KCTD16: variants seen among roughly 807,000 people sequenced by gnomAD.
The protein encoded by KCTD16 is BTB/POZ domain-containing protein KCTD16.
Under a neutral mutation model 33.2 loss-of-function variants are expected in KCTD16, and 13 were observed. The observed-to-expected ratio is 0.39, with a 90% confidence interval of 0.25 to 0.62. The LOEUF is 0.62. Ranked by LOEUF, KCTD16 falls within the 20% of genes least tolerant of loss-of-function variation. KCTD16 has a pLI of 0.50. For missense variants in KCTD16, 441 were observed against 525.1 expected (o/e 0.84, Z 1.57); for synonymous variants, 197 against 195.3 (o/e 1.01, Z -0.07).
intron 3 of KCTD16, among the ~76,000 whole-genome samples, chr5:144,399,558 T>TA (rs1752656268): frequency 6.6e-6 from 1 of 152,166 alleles, no homozygotes; most frequent in African/African-American, 2.4e-5. Flanking sequence ...AATGAAAATA[T>TA]ACCCTTTCCT....
At chr5:144,457,607 A>G (rs1364656884) in intron 3 of KCTD16, among the ~76,000 whole-genome samples, 1 of 152,192 alleles carries the variant, frequency 6.6e-6, no homozygotes, top group East Asian at 1.9e-4. Flanking sequence ...TCTGATCAAG[A>G]GCCTCTTCTC....
intron 3 of KCTD16, among the ~76,000 whole-genome samples, chr5:144,446,080 T>C (rs1753811981): frequency 6.6e-6 from 1 of 151,942 alleles, no homozygotes; most frequent in African/African-American, 2.4e-5. Flanking sequence ...TTGTAGATGA[T>C]TTGTTCCCTT....
chr5:144,377,319 G>A (rs1752116196), intron 3 of KCTD16, among the ~76,000 whole-genome samples: 3 of 152,180 alleles, frequency 2.0e-5, no homozygotes, highest in Non-Finnish European at 2.9e-5. Flanking sequence ...AAGGAATGGA[G>A]TGGACAGTGG....
chr5:144,430,415 G>C (rs1402957677), intron 3 of KCTD16, among the ~76,000 whole-genome samples: 1 of 152,086 alleles, frequency 6.6e-6, no homozygotes, highest in Non-Finnish European at 1.5e-5. Flanking sequence ...GTTTGCCTGT[G>C]GCAGATGCAT....
chr5:144,469,208 T>G (rs981607315), intron 3 of KCTD16, among the ~76,000 whole-genome samples: 3 of 152,206 alleles, frequency 2.0e-5, no homozygotes, highest in African/African-American at 7.2e-5. Context: ...GCTTATCCAT[T>G]TGTGAAATTT....
chr5:144,390,456 G>GT (rs1752422996), intron 3 of KCTD16, among the ~76,000 whole-genome samples: 1 of 152,108 alleles, frequency 6.6e-6, no homozygotes, highest in African/African-American at 2.4e-5. Flanking sequence ...TCTTTTTACA[G>GT]TTGCTGAAAT....
chr5:144,314,789 A>C (rs555493455), intron 3 of KCTD16, among the ~76,000 whole-genome samples: 1 of 152,234 alleles, frequency 6.6e-6, no homozygotes, highest in African/African-American at 2.4e-5. Flanking sequence ...CGCATACACG[A>C]AATGGAAAAC....
At chr5:144,365,479 T>C (rs1751812971) in intron 3 of KCTD16, among the ~76,000 whole-genome samples, 1 of 152,212 alleles carries the variant, frequency 6.6e-6, no homozygotes, top group African/African-American at 2.4e-5. Flanking sequence ...CACATGTTGC[T>C]TGAACATTTT....
At chr5:144,211,641 G>GA (rs1239657235) in intron 3 of KCTD16, among the ~76,000 whole-genome samples, 1 of 152,104 alleles carries the variant, frequency 6.6e-6, no homozygotes, top group African/African-American at 2.4e-5. Context: ...CATAAAATCT[G>GA]AAAAAATCCA....
chr5:144,332,245 A>G (rs1385692416), intron 3 of KCTD16, among the ~76,000 whole-genome samples: 1 of 152,174 alleles, frequency 6.6e-6, no homozygotes, highest in Non-Finnish European at 1.5e-5. Context: ...GACTTGATAA[A>G]GAAGAGAAAG....
At chr5:144,278,965 T>C (rs561081501) in intron 3 of KCTD16, among the ~76,000 whole-genome samples, 23 of 152,368 alleles carry the variant, frequency 1.5e-4, no homozygotes, top group African/African-American at 5.5e-4. Flanking sequence ...ATCCCTCTAC[T>C]TAAGTTCTTC....
intron 3 of KCTD16, among the ~76,000 whole-genome samples, chr5:144,223,121 C>T (rs1254482503): frequency 6.6e-6 from 1 of 152,076 alleles, no homozygotes; most frequent in Non-Finnish European, 1.5e-5. Flanking sequence ...GGAAGGGGAA[C>T]ATCACACACC....
At chr5:144,343,536 G>T (rs541827665) in intron 3 of KCTD16, among the ~76,000 whole-genome samples, 3 of 151,952 alleles carry the variant, frequency 2.0e-5, no homozygotes, top group East Asian at 3.9e-4. Context: ...ACCAGCTCCT[G>T]GATTCATTAA....
At chr5:144,266,136 A>G (rs559862471) in intron 3 of KCTD16, among the ~76,000 whole-genome samples, 1 of 152,342 alleles carries the variant, frequency 6.6e-6, no homozygotes, top group East Asian at 1.9e-4. Context: ...TGACAACATT[A>G]ATAATACTTT....
At chr5:144,387,029 G>A (rs1164454782) in intron 3 of KCTD16, among the ~76,000 whole-genome samples, 1 of 151,820 alleles carries the variant, frequency 6.6e-6, no homozygotes, top group Admixed American at 6.6e-5. Flanking sequence ...TGCAGTGGCT[G>A]GTTCATGGCT....
intron 3 of KCTD16, among the ~76,000 whole-genome samples, chr5:144,385,943 T>C (rs1428579853): frequency 1.3e-5 from 2 of 152,188 alleles, no homozygotes; most frequent in Admixed American, 6.5e-5. Flanking sequence ...CATCTACTCT[T>C]CATTAAAAAT....
At chr5:144,344,723 G>A (rs1043407940) in intron 3 of KCTD16, among the ~76,000 whole-genome samples, 11 of 150,594 alleles carry the variant, frequency 7.3e-5, no homozygotes, top group African/African-American at 2.7e-4. Context: ...TGGAGAGGAT[G>A]TGGAGAAATA....
At chr5:144,374,932 A>AT (rs1262795995) in intron 3 of KCTD16, among the ~76,000 whole-genome samples, 1 of 152,008 alleles carries the variant, frequency 6.6e-6, no homozygotes, top group East Asian at 1.9e-4. Flanking sequence ...CTTCCCAGGG[A>AT]TTTTCACTTT....
intron 1 of KCTD16, among the ~76,000 whole-genome samples, chr5:144,171,541 C>T (rs186301921): frequency 2.4e-4 from 37 of 152,286 alleles, no homozygotes; most frequent in African/African-American, 7.7e-4. Context: ...TCCCTAATCT[C>T]TAGCCATTAG....
Sources: gnomAD v4.1 joint callset for allele counts (sites outside exome capture counted in the v4.1 genomes callset) on GRCh38, gnomAD v4.1.1 for gene constraint, MANE v1.5 for transcripts, NCBI Gene and HGNC (gene_info 2026-07-23, HGNC 2026-07-21) for gene names.